Variants in ERBB4 observed in about 807,000 individuals in gnomAD.
The protein encoded by ERBB4 is erb-b2 receptor tyrosine kinase 4.
ERBB4 carries 42 observed loss-of-function variants against 158.0 expected under a neutral mutation model. The ratio of observed to expected loss-of-function variants is 0.27; its 90% CI spans 0.21 to 0.34. The LOEUF is 0.34. ERBB4 is among the 10% of genes least tolerant of loss of function. ERBB4 has a pLI of 1.00. For missense variants in ERBB4, 1,333 were observed against 1,624.1 expected, an observed-to-expected ratio of 0.82 and a Z score of 3.08; for synonymous variants, 583 against 558.7, an observed-to-expected ratio of 1.04 and a Z score of -0.61.
intron 1 of ERBB4, among the ~76,000 whole-genome samples, chr2:212,479,798 G>T (rs1243927029): frequency 6.6e-6 from 1 of 152,070 alleles, no homozygotes; most frequent in Non-Finnish European, 1.5e-5. Context: ...TCTAAAACTG[G>T]CAAGAGACTA....
chr2:212,212,239 T>C (rs1479119341), intron 1 of ERBB4, among the ~76,000 whole-genome samples: 3 of 151,962 alleles, frequency 2.0e-5, no homozygotes, highest in African/African-American at 4.8e-5. Context: ...TTTCTGACTT[T>C]TTAATAATCA....
chr2:212,520,420 C>T (rs1384295), intron 1 of ERBB4, among the ~76,000 whole-genome samples: 91,684 of 151,606 alleles, frequency 0.6, 29,726 homozygotes, highest in African/African-American at 0.84. Flanking sequence ...ATAAAAATTT[C>T]GGTAATTCAA....
chr2:212,240,665 A>AAAAAAAAAAAC (rs1559823350), intron 1 of ERBB4, among the ~76,000 whole-genome samples: 5 of 145,898 alleles, frequency 3.4e-5, no homozygotes, highest in African/African-American at 1.3e-4. Context: ...AAAAAAAAAA[A>AAAAAAAAAAAC]AACAGAAAAA....
chr2:212,293,569 C>A (rs1436495559), intron 1 of ERBB4, among the ~76,000 whole-genome samples: 2 of 151,952 alleles, frequency 1.3e-5, no homozygotes, highest in Non-Finnish European at 2.9e-5. Context: ...ACATATTGGC[C>A]GGGCATGGTG....
chr2:211,833,173 C>G (rs2077262740), intron 3 of ERBB4, among the ~76,000 whole-genome samples: 1 of 152,074 alleles, frequency 6.6e-6, no homozygotes, highest in Non-Finnish European at 1.5e-5. Context: ...TCAGGATGAC[C>G]TTGGGTGCAA....
chr2:212,187,733 T>G (rs1293846437), intron 1 of ERBB4, among the ~76,000 whole-genome samples: 2 of 152,100 alleles, frequency 1.3e-5, no homozygotes, highest in Non-Finnish European at 2.9e-5. Context: ...TATCATAAAT[T>G]CCTTTCAGTG....
At chr2:212,488,999 C>T (rs756585545) in intron 1 of ERBB4, among the ~76,000 whole-genome samples, 1 of 148,916 alleles carries the variant, frequency 6.7e-6, no homozygotes, top group East Asian at 2.0e-4. Context: ...TTAGGATACC[C>T]CCCAAAGAAG....
At chr2:211,412,770 A>G (rs1410035953) in intron 25 of ERBB4, among the ~76,000 whole-genome samples, 3 of 152,042 alleles carry the variant, frequency 2.0e-5, no homozygotes, top group Non-Finnish European at 4.4e-5. Context: ...CCTGGCCAAC[A>G]TGGTGAAACC....
intron 1 of ERBB4, among the ~76,000 whole-genome samples, chr2:212,240,589 G>A (rs1413901705): frequency 1.6e-5 from 2 of 123,564 alleles, no homozygotes; most frequent in Non-Finnish European, 3.2e-5. Flanking sequence ...GCCGAGCCGA[G>A]ATCGTGCCAT....
chr2:211,395,147 C>T (rs1199739057), intron 25 of ERBB4, among the ~76,000 whole-genome samples: 4 of 152,020 alleles, frequency 2.6e-5, no homozygotes, highest in African/African-American at 9.7e-5. Context: ...GTCGACTCAT[C>T]GCTTTTTCTT....
intron 2 of ERBB4, among the ~76,000 whole-genome samples, chr2:212,055,173 C>A (rs1256148143): frequency 6.6e-6 from 1 of 152,176 alleles, no homozygotes; most frequent in African/African-American, 2.4e-5. Flanking sequence ...CTCGGAGGGT[C>A]CCACGCCCAC....
chr2:211,468,917 C>CAAA (rs34611181), intron 20 of ERBB4, among the ~76,000 whole-genome samples: 190 of 135,160 alleles, frequency 1.4e-3, no homozygotes, highest in African/African-American at 5.1e-3. Context: ...TCTTCTGCTT[C>CAAA]AAAAAAAAAA....
At chr2:212,320,821 A>C (rs896755803) in intron 1 of ERBB4, among the ~76,000 whole-genome samples, 2 of 150,406 alleles carry the variant, frequency 1.3e-5, no homozygotes, top group African/African-American at 4.8e-5. Flanking sequence ...GTGAGAATCA[A>C]ATGAAACAAT....
chr2:212,113,355 C>G (rs1179990001), intron 2 of ERBB4, among the ~76,000 whole-genome samples: 1 of 151,972 alleles, frequency 6.6e-6, no homozygotes, highest in Admixed American at 6.6e-5. Flanking sequence ...GAGGGTTGAT[C>G]ATGAGGTCAG....
chr2:211,576,502 G>A (rs1407037640), intron 19 of ERBB4, among the ~76,000 whole-genome samples: 1 of 151,892 alleles, frequency 6.6e-6, no homozygotes, highest in Non-Finnish European at 1.5e-5. Flanking sequence ...TGCTATCATA[G>A]TTATTTTGTT....
intron 2 of ERBB4, among the ~76,000 whole-genome samples, chr2:212,047,620 C>T (rs1369817404): frequency 2.0e-5 from 3 of 151,208 alleles, no homozygotes; most frequent in South Asian, 4.2e-4. Flanking sequence ...CTACAGGTAC[C>T]CACCACCACA....
chr2:211,441,974 G>C (rs1460207266), intron 20 of ERBB4, among the ~76,000 whole-genome samples: 1 of 152,036 alleles, frequency 6.6e-6, no homozygotes, highest in East Asian at 1.9e-4. Flanking sequence ...TTTTAACCAT[G>C]TGCATTTGCC....
At chr2:211,466,347 TTTAA>T (rs1458937115) in intron 20 of ERBB4, among the ~76,000 whole-genome samples, 4 of 139,734 alleles carry the variant, frequency 2.9e-5, no homozygotes, top group South Asian at 2.2e-4. Context: ...TTTTTTTTTT[TTTAA>T]AAAAAAAAAA....
chr2:212,213,047 C>T (rs150653477), intron 1 of ERBB4, among the ~76,000 whole-genome samples: 1,944 of 152,096 alleles, frequency 0.013, 22 homozygotes, highest in African/African-American at 0.029. Flanking sequence ...GCAATTGCAA[C>T]GAAAGCCAAA....
Sources: gnomAD v4.1 joint callset for allele counts (sites outside exome capture counted in the v4.1 genomes callset) on GRCh38, gnomAD v4.1.1 for gene constraint, MANE v1.5 for transcripts, NCBI Gene and HGNC (gene_info 2026-07-23, HGNC 2026-07-21) for gene names.